ZZZ3: variants seen among roughly 807,000 people sequenced by gnomAD.
The protein encoded by ZZZ3 is zinc finger ZZ-type containing 3.
Under a neutral mutation model 95.2 loss-of-function variants are expected in ZZZ3, and 22 were observed. The ratio of observed to expected loss-of-function variants is 0.23; its 90% CI spans 0.17 to 0.33. ZZZ3 has a LOEUF of 0.33. Among genes scored for constraint, ZZZ3 ranks in the 10% least tolerant of loss-of-function variants. The pLI, the probability that ZZZ3 is intolerant of heterozygous loss-of-function variation, is 1.00. For missense variants in ZZZ3, 885 were observed against 1,066.5 expected, an observed-to-expected ratio of 0.83 and a Z score of 2.37; for synonymous variants, 335 against 358.9, an observed-to-expected ratio of 0.93 and a Z score of 0.75.
chr1:77,629,986 A>G (rs1667650868), intron 5 of ZZZ3, among the ~76,000 whole-genome samples: 1 of 152,114 alleles, frequency 6.6e-6, no homozygotes, highest in African/African-American at 2.4e-5. Flanking sequence ...AATCTCTTAC[A>G]AAAAGTAATA....
intron 6 of ZZZ3, among the ~76,000 whole-genome samples, chr1:77,583,356 A>G (rs1662726814): frequency 6.6e-6 from 1 of 152,194 alleles, no homozygotes; most frequent in Admixed American, 6.5e-5. Flanking sequence ...AATAACCATT[A>G]TAAGTCTTAT....
rs1662565750 is a variant in ZZZ3, at chr1:77,581,906, C to T, written c.1793-15G>A. The T allele has an allele frequency of 6.2e-7, 1 of 1,609,028 alleles. No individual in the cohort carries two copies. The highest frequency in any genetic ancestry group is 1.3e-5 in the African/African-American group (1 of 74,748). ...AGGTAAACCTACTGAAAAATAAGAC[C>T]ACATACAGAACTGTTAAAGCAAAAC... On this transcript the variant is annotated splice_polypyrimidine_tract_variant and intron_variant, in intron 7 of 14. Transcript: ENST00000370801.
chr1:77,577,205 T>C (rs868798518), intron 11 of ZZZ3, among the ~76,000 whole-genome samples: 2 of 152,310 alleles, frequency 1.3e-5, no homozygotes, highest in Middle Eastern at 3.4e-3. Context: ...ATTGTAAATA[T>C]AGCTGTACTA....
chr1:77,582,234 G>A, intron 6 of ZZZ3, 108 bp from the exon 7 acceptor site: 4 of 893,206 alleles, frequency 4.5e-6, no homozygotes, highest in Non-Finnish European at 6.6e-6. Context: ...AATAATCAAT[G>A]GGGCATTTCT....
chr1:77,673,572 G>C (rs1009054624), intron 1 of ZZZ3, among the ~76,000 whole-genome samples: 1 of 152,058 alleles, frequency 6.6e-6, no homozygotes, highest in Admixed American at 6.6e-5. Flanking sequence ...ACTCCATCCT[G>C]GGTGACAGAG....
chr1:77,602,221 T>C (rs1382791633), intron 5 of ZZZ3, among the ~76,000 whole-genome samples: 3 of 152,118 alleles, frequency 2.0e-5, no homozygotes, highest in Admixed American at 6.5e-5. Flanking sequence ...AAGAAAGCTA[T>C]GCACTTTAAA....
At chr1:77,679,552 C>A (rs945885422) in intron 1 of ZZZ3, among the ~76,000 whole-genome samples, 2 of 152,052 alleles carry the variant, frequency 1.3e-5, no homozygotes, top group Non-Finnish European at 2.9e-5. Context: ...TCCCAAAGTG[C>A]TTGTATTACA....
chr1:77,577,513 G>A (rs535264581), intron 11 of ZZZ3, among the ~76,000 whole-genome samples: 6 of 151,972 alleles, frequency 3.9e-5, no homozygotes, highest in Non-Finnish European at 7.4e-5. Flanking sequence ...TCCAAAGCTC[G>A]GTTAAAAAAA....
At position 77,666,729 on chromosome 1, in the gene ZZZ3, T is replaced by C. The variant is rs891616960; in HGVS notation, c.-403+15856A>G. On this transcript the variant is annotated intron_variant, in intron 1 of 14. Transcript: ENST00000370801. ...AATCCCATCCTTCATGGATATTATA[T>C]TCTTAGAAGAGACAATAAACATCAG... 9.8e-5 allele frequency among the ~76,000 whole-genome samples: 15 copies of C among 152,320 alleles called. 1 individual carries two copies. The highest frequency in any genetic ancestry group is 3.6e-4 in the African/African-American group (15 of 41,572).
intron 4 of ZZZ3, 73 bp from the exon 5 acceptor site, chr1:77,633,478 A>T: frequency 1.0e-6 from 1 of 963,870 alleles, no homozygotes; most frequent in East Asian, 2.7e-5. Flanking sequence ...ATAAAGCTAT[A>T]ACTTTTTAAT....
chr1:77,575,171 G>A (rs1327525828), intron 12 of ZZZ3, among the ~76,000 whole-genome samples: 1 of 152,054 alleles, frequency 6.6e-6, no homozygotes, highest in Admixed American at 6.6e-5. Flanking sequence ...GCGACAGAGC[G>A]AGACTCTGCC....
At chr1:77,658,859 T>C (rs1570632638) in intron 1 of ZZZ3, among the ~76,000 whole-genome samples, 1 of 152,238 alleles carries the variant, frequency 6.6e-6, no homozygotes, top group Non-Finnish European at 1.5e-5. Context: ...AGCATATAAA[T>C]GTTTCCATCC....
At chr1:77,612,487 C>T (rs1284909310) in intron 5 of ZZZ3, among the ~76,000 whole-genome samples, 1 of 151,968 alleles carries the variant, frequency 6.6e-6, no homozygotes, top group Non-Finnish European at 1.5e-5. Flanking sequence ...ATCTGCACTA[C>T]CATGTTCACT....
chr1:77,604,176 C>T (rs531556517), intron 5 of ZZZ3, among the ~76,000 whole-genome samples: 20 of 152,022 alleles, frequency 1.3e-4, no homozygotes, highest in African/African-American at 2.7e-4. Context: ...TGTAGTGGGA[C>T]GCCGTTTTAA....
chr1:77,584,727 C>T, intron 5 of ZZZ3, 72 bp from the exon 6 acceptor site: 1 of 1,271,740 alleles, frequency 7.9e-7, no homozygotes, highest in South Asian at 1.7e-5. Flanking sequence ...GAGTTCAAGC[C>T]ATGATCTACT....
At chr1:77,681,829 G>A (rs1264319918) in intron 1 of ZZZ3, among the ~76,000 whole-genome samples, 2 of 151,330 alleles carry the variant, frequency 1.3e-5, no homozygotes, top group African/African-American at 2.4e-5. Context: ...AACCCGGGAG[G>A]CGGAGGTTGC....
At chr1:77,682,893 A>G (rs923812693), upstream of ZZZ3, among the ~76,000 whole-genome samples, 1 of 152,170 alleles carries the variant, frequency 6.6e-6, no homozygotes, top group African/African-American at 2.4e-5. Flanking sequence ...ACCTCCGATT[A>G]CCACGATTAT....
chr1:77,598,704 G>A (rs1429041899), intron 5 of ZZZ3, among the ~76,000 whole-genome samples: 3 of 152,008 alleles, frequency 2.0e-5, no homozygotes, highest in Non-Finnish European at 2.9e-5. Flanking sequence ...CACCAGTTCC[G>A]GAACTCAACA....
At chr1:77,674,507 C>T (rs1236206203) in intron 1 of ZZZ3, among the ~76,000 whole-genome samples, 1 of 152,160 alleles carries the variant, frequency 6.6e-6, no homozygotes, top group Non-Finnish European at 1.5e-5. Flanking sequence ...GGAGTTCTGA[C>T]AGTGTTCTTC....
Sources: gnomAD v4.1 joint callset for allele counts (sites outside exome capture counted in the v4.1 genomes callset) on GRCh38, gnomAD v4.1.1 for gene constraint, MANE v1.5 for transcripts, NCBI Gene and HGNC (gene_info 2026-07-23, HGNC 2026-07-21) for gene names.